The following SMOC2 variants were observed in gnomAD, a reference collection of about 807,000 sequenced individuals.
SMOC2 encodes SPARC related modular calcium binding 2.
A neutral mutation model predicts 61.4 loss-of-function variants in SMOC2; 39 were observed. The observed-to-expected ratio is 0.64, with a 90% confidence interval of 0.49 to 0.83. The LOEUF is 0.83. Among genes scored for constraint, SMOC2 ranks in the 40% least tolerant of loss-of-function variants. The pLI is 0.00. For missense variants in SMOC2, 556 were observed against 592.9 expected (o/e 0.94, Z 0.65); for synonymous variants, 247 against 239.9 (o/e 1.03, Z -0.27).
chr6:168,661,994 T>C (rs1022583563), intron 11 of SMOC2, among the ~76,000 whole-genome samples: 6 of 152,236 alleles, frequency 3.9e-5, no homozygotes, highest in Admixed American at 3.9e-4. Flanking sequence ...TTTCACCTTT[T>C]CATACTCTGT....
chr6:168,641,438 G>A (rs1467536847), intron 9 of SMOC2, among the ~76,000 whole-genome samples: 4 of 152,170 alleles, frequency 2.6e-5, no homozygotes, highest in Non-Finnish European at 5.9e-5. Context: ...TTTTTACCAA[G>A]CATTTTGTTA....
At chr6:168,533,301 A>G (rs1783656279) in intron 4 of SMOC2, among the ~76,000 whole-genome samples, 1 of 152,132 alleles carries the variant, frequency 6.6e-6, no homozygotes, top group Non-Finnish European at 1.5e-5. Flanking sequence ...ATCTCAGTAC[A>G]TGATATACAT....
intron 7 of SMOC2, among the ~76,000 whole-genome samples, chr6:168,556,240 C>T (rs1469672867): frequency 6.6e-6 from 1 of 152,202 alleles, no homozygotes; most frequent in East Asian, 1.9e-4. Context: ...GGTGGGGCTG[C>T]CCACAGGACT....
chr6:168,611,920 G>A (rs1785880476), intron 9 of SMOC2, among the ~76,000 whole-genome samples: 1 of 152,186 alleles, frequency 6.6e-6, no homozygotes, highest in Non-Finnish European at 1.5e-5. Context: ...ACCTGGTGGG[G>A]CACAGCGTGT....
At chr6:168,604,825 A>T (rs1583153003) in intron 8 of SMOC2, among the ~76,000 whole-genome samples, 1 of 152,312 alleles carries the variant, frequency 6.6e-6, no homozygotes, top group East Asian at 1.9e-4. Context: ...CTCTGCCCAG[A>T]TGAGGCAGGA....
At chr6:168,523,480 C>G (rs1415448264) in intron 2 of SMOC2, among the ~76,000 whole-genome samples, 3 of 151,654 alleles carry the variant, frequency 2.0e-5, no homozygotes, top group Non-Finnish European at 4.4e-5. Flanking sequence ...CTCTGCCTCC[C>G]AGGTTCAAGT....
chr6:168,659,525 G>GT (rs1321061465), intron 11 of SMOC2, among the ~76,000 whole-genome samples: 3 of 68,874 alleles, frequency 4.4e-5, no homozygotes, highest in African/African-American at 5.6e-5. Context: ...TTGTAGGTTG[G>GT]GTGAGGATGG....
intron 1 of SMOC2, among the ~76,000 whole-genome samples, chr6:168,458,286 GGA>G (rs1381358792): frequency 6.6e-6 from 1 of 152,036 alleles, no homozygotes; most frequent in East Asian, 1.9e-4. Flanking sequence ...GGGGGTCCTG[GGA>G]GGGAGACGGT....
chr6:168,608,069 A>C, intron 8 of SMOC2, 88 bp from the exon 9 acceptor site: 1 of 1,201,274 alleles, frequency 8.3e-7, no homozygotes, highest in Non-Finnish European at 1.2e-6. Flanking sequence ...ATGCTAGGGT[A>C]GGACACTCCA....
At chr6:168,663,294 G>A (rs1470304240) in intron 11 of SMOC2, among the ~76,000 whole-genome samples, 3 of 152,206 alleles carry the variant, frequency 2.0e-5, no homozygotes, top group Non-Finnish European at 2.9e-5. Flanking sequence ...GGTGAAGCCA[G>A]GAGACGGACA....
rs531634646 is a variant in SMOC2, at chr6:168,576,614, C to T, written c.638-22204C>T. On this transcript the variant is annotated intron_variant, in intron 7 of 12. Coordinates refer to ENST00000356284, the MANE Select transcript of SMOC2 (RefSeq NM_001166412.2). The stretch of plus-strand genomic sequence containing the variant: ...CCAAATGGACGCATCACAGGCAAAC[C>T]GGCGGGCCTCGCTCCATGGAACCCC... 6.6e-5 allele frequency among the ~76,000 whole-genome samples: 10 copies of T among 152,132 alleles called. No homozygotes were observed. In the South Asian group the frequency reaches 1.9e-3, roughly 28 times the overall value.
chr6:168,612,552 C>T (rs994332725), intron 9 of SMOC2, among the ~76,000 whole-genome samples: 1 of 149,296 alleles, frequency 6.7e-6, no homozygotes, highest in African/African-American at 2.5e-5. Flanking sequence ...CAAACAGCAG[C>T]GCTGGGTTCG....
At chr6:168,582,750 G>A (rs1004445414) in intron 7 of SMOC2, among the ~76,000 whole-genome samples, 2 of 152,226 alleles carry the variant, frequency 1.3e-5, no homozygotes, top group Non-Finnish European at 2.9e-5. Context: ...CACCTGTTTG[G>A]AGCATGTCCG....
At chr6:168,569,427 CA>C (rs1175924547) in intron 7 of SMOC2, among the ~76,000 whole-genome samples, 1 of 151,702 alleles carries the variant, frequency 6.6e-6, no homozygotes, top group African/African-American at 2.4e-5. Context: ...ATATTTTGGA[CA>C]TAAGTTTTTT....
intron 9 of SMOC2, among the ~76,000 whole-genome samples, chr6:168,628,901 C>T (rs1366031815): frequency 2.6e-5 from 4 of 152,216 alleles, no homozygotes; most frequent in African/African-American, 4.8e-5. Context: ...GACCTTGGGC[C>T]GGTCACGGAG....
At chr6:168,641,190 G>T (rs1468538361) in intron 9 of SMOC2, among the ~76,000 whole-genome samples, 1 of 152,076 alleles carries the variant, frequency 6.6e-6, no homozygotes, top group African/African-American at 2.4e-5. Context: ...AATACTGATT[G>T]CACAGAACAC....
At chr6:168,574,104 T>C (rs1431151263) in intron 7 of SMOC2, among the ~76,000 whole-genome samples, 2 of 152,270 alleles carry the variant, frequency 1.3e-5, no homozygotes, top group Non-Finnish European at 2.9e-5. Flanking sequence ...CAATATTTCC[T>C]GCAGCTGTCT....
intron 9 of SMOC2, among the ~76,000 whole-genome samples, chr6:168,646,189 G>A (rs980345213): frequency 6.6e-6 from 1 of 152,154 alleles, no homozygotes; most frequent in African/African-American, 2.4e-5. Flanking sequence ...TGTTACTTGC[G>A]TGTGAAATCT....
Position 168,482,196 on chromosome 6 carries a change from A to T in SMOC2, c.85-27719A>T, listed in dbSNP as rs188064249. 1.4e-4 allele frequency among the ~76,000 whole-genome samples: 21 copies of T among 152,114 alleles called. No homozygotes were observed. In the East Asian group the frequency reaches 3.7e-3, roughly 26 times the overall value. On this transcript the variant is annotated intron_variant, in intron 1 of 12. Coordinates refer to ENST00000356284, the MANE Select transcript of SMOC2 (RefSeq NM_001166412.2). Reference sequence around the variant, plus strand: ...TTTCAAATTACTAAAATAGAAAGTGAAAGTGGGTTTTCCTAAGAAAAAGAA... The same window carrying T: ...TTTCAAATTACTAAAATAGAAAGTGTAAGTGGGTTTTCCTAAGAAAAAGAA...
Sources: allele counts gnomAD v4.1 joint callset (sites outside exome capture counted in the v4.1 genomes callset), GRCh38; gene constraint gnomAD v4.1.1; transcripts MANE v1.5; gene names NCBI Gene and HGNC (gene_info 2026-07-23, HGNC 2026-07-21).